The following BDNF variants were observed in gnomAD, a reference collection of about 807,000 sequenced individuals.
BDNF encodes brain derived neurotrophic factor.
A neutral mutation model predicts 19.5 loss-of-function variants in BDNF; 1 was observed. That is an observed-to-expected ratio of 0.05 (90% CI 0.02 to 0.24). The LOEUF is 0.24. Ranked by LOEUF, BDNF falls within the 10% of genes least tolerant of loss-of-function variation. BDNF has a pLI of 1.00. For synonymous variants in BDNF, 100 were observed against 121.6 expected, an observed-to-expected ratio of 0.82 and a Z score of 1.17; for missense variants, 195 against 317.6, an observed-to-expected ratio of 0.61 and a Z score of 2.93.
intron 1 of BDNF, among the ~76,000 whole-genome samples, chr11:27,667,141 C>T (rs551670732): frequency 6.6e-6 from 1 of 152,208 alleles, no homozygotes; most frequent in Admixed American, 6.5e-5. Context: ...GAATTTTCAA[C>T]CCAGAATTTC....
intron 1 of BDNF, among the ~76,000 whole-genome samples, chr11:27,697,162 C>CAGAGAGAGAG (rs1271043342): frequency 2.6e-3 from 331 of 125,170 alleles, no homozygotes; most frequent in South Asian, 7.8e-3. Context: ...CACACACACA[C>CAGAGAGAGAG]ACAGAGAGAG....
chr11:27,671,917 G>A (rs1179988121), intron 1 of BDNF, among the ~76,000 whole-genome samples: 1 of 152,102 alleles, frequency 6.6e-6, no homozygotes, highest in Non-Finnish European at 1.5e-5. Flanking sequence ...AAAGAGAAAA[G>A]AGGCTGCTTA....
At chr11:27,661,613 C>T (rs571271967) in intron 1 of BDNF, among the ~76,000 whole-genome samples, 3 of 152,284 alleles carry the variant, frequency 2.0e-5, no homozygotes, top group Admixed American at 6.5e-5. Context: ...CACCCTAATA[C>T]TATTCTCTTA....
At chr11:27,687,256 T>G (rs1003833725) in intron 1 of BDNF, among the ~76,000 whole-genome samples, 71 of 152,212 alleles carry the variant, frequency 4.7e-4, no homozygotes, top group African/African-American at 1.7e-3. Context: ...TTCAGCTCCA[T>G]TAGGTCATTT....
intron 1 of BDNF, among the ~76,000 whole-genome samples, chr11:27,695,498 G>A (rs537154306): frequency 1.3e-5 from 2 of 152,152 alleles, no homozygotes; most frequent in South Asian, 2.1e-4. Flanking sequence ...TAAAGTTTCC[G>A]TCAGACCAAA....
intron 1 of BDNF, among the ~76,000 whole-genome samples, chr11:27,662,719 T>G (rs561037614): frequency 1.3e-5 from 2 of 152,218 alleles, no homozygotes; most frequent in Non-Finnish European, 2.9e-5. Flanking sequence ...TCTATGAGAA[T>G]CTAATGCTGC....
chr11:27,701,164 C>T, upstream of BDNF: 1 of 1,207,218 alleles, frequency 8.3e-7, no homozygotes, highest in Non-Finnish European at 1.1e-6. Context: ...TTGATGAACG[C>T]CCCCAGATAA....
At chr11:27,666,347 A>C (rs1444716623) in intron 1 of BDNF, among the ~76,000 whole-genome samples, 2 of 152,212 alleles carry the variant, frequency 1.3e-5, no homozygotes, top group Admixed American at 6.5e-5. Flanking sequence ...GAAAATTCTA[A>C]AAATCAGAGC....
chr11:27,700,558 C>A (rs1364087976), upstream of BDNF: 4 of 934,940 alleles, frequency 4.3e-6, no homozygotes, highest in South Asian at 5.0e-5. Context: ...GCTCCCCGCT[C>A]GCCCGCGCTA....
intron 1 of BDNF, chr11:27,720,612 G>C (rs1178202519): frequency 1.0e-6 from 1 of 985,452 alleles, no homozygotes; most frequent in African/African-American, 1.7e-5. Flanking sequence ...GGCGACACAG[G>C]GTTGGCTTTA....
rs1036250295 is a variant in BDNF, at chr11:27,692,086, C to T, written c.-22+8078G>A. ...ACAAATAAGGAAAAGTAAAATACAG[C>T]GCTTTGCAAAGAAATGGGAGGGATT... On this transcript the variant is annotated intron_variant, in intron 1 of 1. Coordinates refer to ENST00000356660, the MANE Select transcript of BDNF (RefSeq NM_001709.5). 3.9e-5 allele frequency among the ~76,000 whole-genome samples: 6 copies of T among 152,102 alleles called. 1 individual carries two copies. In the East Asian group the frequency reaches 7.7e-4, roughly 20 times the overall value.
intron 1 of BDNF, chr11:27,659,077 C>G: frequency 2.0e-6 from 2 of 1,023,776 alleles, no homozygotes; most frequent in Non-Finnish European, 1.2e-6. Flanking sequence ...GCCTTTCTAG[C>G]TATGTGATGT....
chr11:27,658,145 C>A lies in BDNF; in HGVS notation c.420G>T (p.Val140=). The change falls in exon 2 of 2, where the codon GTG becomes GTT. Residue 140 remains valine, a synonymous_variant. Coordinates refer to ENST00000356660, the MANE Select transcript of BDNF (RefSeq NM_001709.5). This position sits in a 1 kb window ranked among gnomAD's most constrained non-coding sequence, Gnocchi z 5.7. The stretch of plus-strand genomic sequence containing the variant: ...TTACCCACTCACTAATACTGTCACA[C>A]ACGCTCAGCTCCCCTCGGCGGGCAG... ...SDPARRGELS[V]CDSISEWVTA... The A allele has an allele frequency of 1.2e-6, 2 of 1,614,144 alleles. No homozygotes were observed. Among genetic ancestry groups the A allele is most frequent in the Non-Finnish European group, 1.7e-6 (2 of 1,180,024 alleles).
At chr11:27,715,303 GCATGAATT>G (rs1477067327) in intron 1 of BDNF, among the ~76,000 whole-genome samples, 7 of 152,322 alleles carry the variant, frequency 4.6e-5, no homozygotes, top group African/African-American at 1.7e-4. Context: ...AAACAAGCCA[GCATGAATT>G]CATGTATCAG....
intron 1 of BDNF, among the ~76,000 whole-genome samples, chr11:27,717,737 C>A (rs1250387847): frequency 6.6e-6 from 1 of 152,148 alleles, no homozygotes. Context: ...ATTGAAATGT[C>A]TTGCCTTCAT....
intron 1 of BDNF, among the ~76,000 whole-genome samples, chr11:27,706,169 T>C: frequency 6.6e-6 from 1 of 152,130 alleles, no homozygotes; most frequent in East Asian, 1.9e-4. Flanking sequence ...CGGTTAGCAG[T>C]GTTTTACAAA....
intron 1 of BDNF, among the ~76,000 whole-genome samples, chr11:27,709,076 G>T (rs1010710495): frequency 1.3e-5 from 2 of 151,976 alleles, no homozygotes; most frequent in African/African-American, 4.8e-5. Flanking sequence ...TGATCCACCC[G>T]CCTCAGCCTC....
Position 27,700,235 on chromosome 11 carries a change from GCCCAGC to G in BDNF, c.-99_-94del. ...TCGTGGTTCCGATTCTGGCTCCAGC[GCCCAGC>G]CCCGGTCCCCGTCGCGGTGCTGCTC... On this transcript the variant is annotated 5_prime_UTR_variant, in exon 1 of 2. Transcript: ENST00000356660. 1.0e-6 allele frequency: 1 copy of G among 985,536 alleles called. No homozygotes were observed. The highest frequency in any genetic ancestry group is 4.7e-5 in the South Asian group (1 of 21,298). 61.0% of individuals were successfully genotyped at this position (985,536 alleles called of 1,614,324 possible).
intron 1 of BDNF, among the ~76,000 whole-genome samples, chr11:27,671,109 A>C (rs185695041): frequency 7.2e-4 from 109 of 152,232 alleles, no homozygotes; most frequent in African/African-American, 2.5e-3. Context: ...CTGAACAATG[A>C]GAACACTTGG....
Sources: gnomAD v4.1 joint callset for allele counts (sites outside exome capture counted in the v4.1 genomes callset) on GRCh38, gnomAD v4.1.1 for gene constraint, Gnocchi (gnomAD v3.1) non-coding constraint, MANE v1.5 for transcripts, NCBI Gene and HGNC (gene_info 2026-07-23, HGNC 2026-07-21) for gene names.